Variants in AP3D1 observed in about 807,000 individuals in gnomAD.
AP3D1 encodes adaptor related protein complex 3 subunit delta 1.
AP3D1 carries 51 observed loss-of-function variants against 147.6 expected under a neutral mutation model. The ratio of observed to expected loss-of-function variants is 0.35; its 90% confidence interval spans 0.28 to 0.44. The LOEUF (loss-of-function observed/expected upper bound fraction) is 0.44, where lower values mean the gene tolerates loss of function less well. Among genes scored for constraint, AP3D1 ranks in the 20% least tolerant of loss-of-function variants. The pLI, the probability that AP3D1 is intolerant of heterozygous loss-of-function variation, is 1.00. For synonymous variants in AP3D1, 760 were observed against 663.0 expected (o/e 1.15, Z -2.25); for missense variants, 1,421 against 1,624.2 (o/e 0.87, Z 2.15).
intron 11 of AP3D1, among the ~76,000 whole-genome samples, 159 bp from the exon 12 acceptor site, chr19:2,122,038 C>T (rs1353921620): frequency 4.6e-5 from 7 of 152,168 alleles, no homozygotes; most frequent in African/African-American, 1.2e-4. Context: ...GAGCTCACCA[C>T]GAGGGATGTC....
At chr19:2,120,090 G>A (rs1423123836) in intron 14 of AP3D1, among the ~76,000 whole-genome samples, 2 of 152,190 alleles carry the variant, frequency 1.3e-5, no homozygotes, top group African/African-American at 4.8e-5. Flanking sequence ...CGGTGTGGCC[G>A]TGATGAGCAG....
chr19:2,139,208 G>A (rs1411578660), intron 1 of AP3D1, among the ~76,000 whole-genome samples: 1 of 152,116 alleles, frequency 6.6e-6, no homozygotes, highest in African/African-American at 2.4e-5. Flanking sequence ...AGAGGAGACG[G>A]GAGGGTTCGC....
chr19:2,160,365 C>T (rs1568316233), intron 1 of AP3D1, among the ~76,000 whole-genome samples: 1 of 152,060 alleles, frequency 6.6e-6, no homozygotes, highest in Non-Finnish European at 1.5e-5. Flanking sequence ...CCCATCTCTA[C>T]TAAAAATACA....
At chr19:2,124,731 A>G (rs2018704936) in intron 9 of AP3D1, among the ~76,000 whole-genome samples, 2 of 152,338 alleles carry the variant, frequency 1.3e-5, no homozygotes, top group East Asian at 3.9e-4. Context: ...ACCTGAGGTC[A>G]GGAGTTCAAG....
Position 2,110,761 on chromosome 19 carries a change from G to A in AP3D1, c.3121C>T (p.Pro1041Ser). ...LDSLNARMAR[P>S]QGSSVHDGVP... ...CCATCGTGGACGGAGGAGCCCTGCG[G>A]CCGGGCCATCCTGGCATTGAGTGAG... The change falls in exon 27 of 32, where the codon CCG (proline) becomes TCG (serine). Residue 1041 changes from proline to serine, a missense_variant. Coordinates refer to ENST00000643116, the MANE Select transcript of AP3D1 (RefSeq NM_001261826.3). 1.2e-6 allele frequency: 2 copies of A among 1,611,980 alleles called. No homozygotes were observed. The highest frequency in any genetic ancestry group is 1.1e-5 in the South Asian group (1 of 90,880).
intron 14 of AP3D1, 76 bp from the exon 15 acceptor site, chr19:2,118,908 G>C (rs2018534591): frequency 7.3e-7 from 1 of 1,368,476 alleles, no homozygotes. Context: ...GACCTAGGAG[G>C]CCTGGGCTCG....
chr19:2,109,841 CG>C lies in AP3D1; in HGVS notation c.3350+31del, dbSNP rs758685657. On this transcript the variant is annotated intron_variant, in intron 29 of 31. Coordinates refer to ENST00000643116, the MANE Select transcript of AP3D1 (RefSeq NM_001261826.3). ...AGGTAGAGGGGAGGCGGAGGGGGTT[CG>C]GGGACATAGGGGAGTGGGCCTGGGC... 4.4e-5 allele frequency: 71 copies of C among 1,604,006 alleles called. 1 individual carries two copies. The highest frequency in any genetic ancestry group is 5.0e-5 in the Admixed American group (3 of 59,958).
intron 1 of AP3D1, among the ~76,000 whole-genome samples, chr19:2,140,834 C>A (rs916048122): frequency 4.0e-5 from 6 of 148,840 alleles, no homozygotes; most frequent in African/African-American, 1.5e-4. Flanking sequence ...TCTCGGCTCA[C>A]TGCAACCTTC....
At chr19:2,146,706 G>A (rs879754682) in intron 1 of AP3D1, among the ~76,000 whole-genome samples, 3 of 151,118 alleles carry the variant, frequency 2.0e-5, no homozygotes, top group Admixed American at 6.6e-5. Flanking sequence ...TAGAATCCAC[G>A]CCCTCTGGTC....
chr19:2,124,674 C>A (rs1378597399), intron 9 of AP3D1, among the ~76,000 whole-genome samples: 2 of 152,218 alleles, frequency 1.3e-5, no homozygotes, highest in Middle Eastern at 3.2e-3. Flanking sequence ...GGCGCGGTGG[C>A]TCATGCCTGT....
chr19:2,140,790 C>T (rs1399299050), intron 1 of AP3D1, among the ~76,000 whole-genome samples: 6 of 133,442 alleles, frequency 4.5e-5, no homozygotes, highest in African/African-American at 1.1e-4. Context: ...GACGGAGTCT[C>T]GCTCTGATGC....
At chr19:2,114,844 A>G (rs1318181199) in intron 20 of AP3D1, 23 bp from the exon 21 acceptor site, 9 of 1,613,326 alleles carry the variant, frequency 5.6e-6, no homozygotes, top group Admixed American at 5.0e-5. Context: ...GAGGAACCCC[A>G]TCACTGGAAC....
At chr19:2,143,957 G>A (rs1192484891) in intron 1 of AP3D1, among the ~76,000 whole-genome samples, 2 of 151,706 alleles carry the variant, frequency 1.3e-5, no homozygotes, top group African/African-American at 2.4e-5. Flanking sequence ...GTGGTGGCTC[G>A]CACCTGTAAT....
chr19:2,150,377 C>A (rs960944806), intron 1 of AP3D1, among the ~76,000 whole-genome samples: 1 of 152,242 alleles, frequency 6.6e-6, no homozygotes, highest in African/African-American at 2.4e-5. Flanking sequence ...GTGGTGGCCA[C>A]TCTGCCCATT....
At chr19:2,130,601 C>T in intron 5 of AP3D1, 64 bp from the exon 6 acceptor site, 1 of 1,597,298 alleles carries the variant, frequency 6.3e-7, no homozygotes, top group African/African-American at 1.3e-5. Flanking sequence ...CTCGCCCCTC[C>T]CAGCCGCCTC....
At chr19:2,127,312 G>A in intron 8 of AP3D1, 111 bp from the exon 9 acceptor site, 2 of 1,194,306 alleles carry the variant, frequency 1.7e-6, no homozygotes, top group Non-Finnish European at 2.4e-6. Flanking sequence ...GGCTCAGGGA[G>A]TGTGCCCCAG....
intron 6 of AP3D1, among the ~76,000 whole-genome samples, chr19:2,130,144 G>T (rs1410304296): frequency 6.6e-6 from 1 of 152,186 alleles, no homozygotes; most frequent in African/African-American, 2.4e-5. Flanking sequence ...TCCTAAGAGG[G>T]GCTGGCGGGG....
intron 4 of AP3D1, among the ~76,000 whole-genome samples, chr19:2,134,896 C>T (rs917915227): frequency 2.0e-5 from 3 of 151,996 alleles, no homozygotes; most frequent in Non-Finnish European, 4.4e-5. Context: ...CCACCGCACC[C>T]GGCCCAGGAA....
intron 2 of AP3D1, 71 bp downstream of exon 2, chr19:2,138,548 G>T: frequency 1.7e-6 from 2 of 1,180,498 alleles, no homozygotes; most frequent in Non-Finnish European, 2.5e-6. Context: ...ACAGGCTGAT[G>T]AATAGGGGAC....
Sources: allele counts gnomAD v4.1 joint callset (sites outside exome capture counted in the v4.1 genomes callset), GRCh38; gene constraint gnomAD v4.1.1; transcripts MANE v1.5; gene names NCBI Gene and HGNC (gene_info 2026-07-23, HGNC 2026-07-21).